Variants in MIPEP observed in about 807,000 individuals in gnomAD.
The protein encoded by MIPEP is mitochondrial intermediate peptidase.
In MIPEP, 79 loss-of-function variants were observed where a neutral mutation model predicts 90.3. That is an observed-to-expected ratio of 0.87 (90% confidence interval 0.73 to 1.05). MIPEP has a LOEUF of 1.05. MIPEP is among the 50% of genes least tolerant of loss of function. The probability of loss-of-function intolerance (pLI) is 0.00; values close to 1 mark genes in which losing one functional copy is unlikely to be tolerated. For synonymous variants in MIPEP, 334 were observed against 315.8 expected (o/e 1.06, Z -0.61); for missense variants, 940 against 905.6 (o/e 1.04, Z -0.49).
chr13:23,860,929 A>C (rs1870274670), intron 9 of MIPEP, among the ~76,000 whole-genome samples: 1 of 152,166 alleles, frequency 6.6e-6, no homozygotes, highest in East Asian at 1.9e-4. Context: ...AGGACCTAAC[A>C]AATGATTATG....
chr13:23,785,060 C>T (rs1382855377), intron 16 of MIPEP, among the ~76,000 whole-genome samples: 1 of 152,200 alleles, frequency 6.6e-6, no homozygotes, highest in Non-Finnish European at 1.5e-5. Context: ...ACTAGTTCAA[C>T]CATTGTGGAA....
chr13:23,823,820 C>T (rs1380108579), intron 14 of MIPEP, among the ~76,000 whole-genome samples: 1 of 152,100 alleles, frequency 6.6e-6, no homozygotes, highest in African/African-American at 2.4e-5. Flanking sequence ...AGTGTGAGAC[C>T]CTGTCCCTCT....
chr13:23,755,863 T>C (rs1952486072), intron 18 of MIPEP, among the ~76,000 whole-genome samples: 2 of 152,198 alleles, frequency 1.3e-5, no homozygotes, highest in African/African-American at 4.8e-5. Context: ...CTTGAAAATA[T>C]GTAGTTTTAA....
chr13:23,879,223 C>T (rs981676796), intron 4 of MIPEP, 45 bp downstream of exon 4: 4 of 1,199,420 alleles, frequency 3.3e-6, no homozygotes, highest in Non-Finnish European at 4.9e-6. Flanking sequence ...CCAACCTCAC[C>T]TCTAGAGTCA....
At chr13:23,754,992 CCTTGTTACAT>C (rs749350666) in intron 18 of MIPEP, among the ~76,000 whole-genome samples, 5 of 152,184 alleles carry the variant, frequency 3.3e-5, no homozygotes, top group Non-Finnish European at 7.3e-5. Context: ...CCACATACTG[CCTTGTTACAT>C]AAGCAGAGGG....
At chr13:23,865,968 GC>G (rs1870514771) in intron 7 of MIPEP, among the ~76,000 whole-genome samples, 3 of 151,980 alleles carry the variant, frequency 2.0e-5, no homozygotes, top group Non-Finnish European at 2.9e-5. Flanking sequence ...ACCACATCTG[GC>G]CTGCCTCAAT....
At chr13:23,876,888 T>G (rs185274790) in intron 4 of MIPEP, among the ~76,000 whole-genome samples, 9 of 152,316 alleles carry the variant, frequency 5.9e-5, no homozygotes, top group Admixed American at 2.6e-4. Flanking sequence ...TTACCCCAAA[T>G]GGTTATCCAT....
At position 23,745,376 on chromosome 13, in the gene MIPEP, T is replaced by C. The variant is rs181360318; in HGVS notation, c.2044+11169A>G. On this transcript the variant is annotated intron_variant, in intron 18 of 18. Coordinates refer to ENST00000382172, the MANE Select transcript of MIPEP (RefSeq NM_005932.4). The stretch of plus-strand genomic sequence containing the variant: ...ACACCAGAAGATGTCTTGTAAATGC[T>C]CTTTCAGGAAACAGTCCAGTTAAAC... 3.6e-3 allele frequency among the ~76,000 whole-genome samples: 546 copies of C among 152,328 alleles called. 2 individuals are homozygous for C. The highest frequency in any genetic ancestry group is 0.013 in the African/African-American group (531 of 41,582).
At position 23,889,251 on chromosome 13, in the gene MIPEP, G is replaced by T; in HGVS notation, c.70C>A (p.Arg24=). ...CGGATCCCGGCTTCGAGGCTTCCCC[G>T]GCCCGCCCGGCGGGGCGGCAGAGCT... The part of the protein sequence containing the change: ...AAALPPRRAG[R]GSLEAGIRAR... The change falls in exon 1 of 19, where the codon CGG becomes AGG. Residue 24 remains arginine, a synonymous_variant. Coordinates refer to ENST00000382172, the MANE Select transcript of MIPEP (RefSeq NM_005932.4). The T allele has an allele frequency of 1.4e-6, 2 of 1,390,018 alleles. No homozygotes were observed. The highest frequency in any genetic ancestry group is 1.9e-6 in the Non-Finnish European group (2 of 1,071,914). The allele number at this position is 1,390,018 out of a possible 1,614,324, so 86.1% of individuals were successfully genotyped here. A position where few individuals can be genotyped will look rare whatever the true frequency, so the allele number is the denominator to read the frequency against.
At chr13:23,829,745 G>C (rs1387956535) in intron 14 of MIPEP, among the ~76,000 whole-genome samples, 1 of 151,958 alleles carries the variant, frequency 6.6e-6, no homozygotes, top group Non-Finnish European at 1.5e-5. Context: ...AGTTTGAGGG[G>C]CCAGCCTGGG....
At chr13:23,872,631 A>C (rs967319414) in intron 5 of MIPEP, among the ~76,000 whole-genome samples, 2 of 152,210 alleles carry the variant, frequency 1.3e-5, no homozygotes, top group African/African-American at 4.8e-5. Flanking sequence ...CAAACATGGA[A>C]GTTACAAGGG....
At chr13:23,803,232 G>A (rs1045033873) in intron 16 of MIPEP, among the ~76,000 whole-genome samples, 25 of 151,636 alleles carry the variant, frequency 1.6e-4, no homozygotes, top group African/African-American at 4.6e-4. Flanking sequence ...GAGTGGTGGC[G>A]CACACCTGTA....
intron 14 of MIPEP, among the ~76,000 whole-genome samples, chr13:23,813,886 A>T (rs1330693955): frequency 1.3e-5 from 2 of 152,258 alleles, no homozygotes; most frequent in African/African-American, 4.8e-5. Context: ...AGAGCAGCAC[A>T]GATGTTTAAT....
At chr13:23,751,387 C>T (rs1278112231) in intron 18 of MIPEP, among the ~76,000 whole-genome samples, 4 of 152,208 alleles carry the variant, frequency 2.6e-5, no homozygotes, top group African/African-American at 9.6e-5. Flanking sequence ...GTGAGTCAGT[C>T]TGATGCGAAA....
intron 17 of MIPEP, among the ~76,000 whole-genome samples, chr13:23,758,189 C>A (rs1824004956): frequency 6.6e-6 from 1 of 152,150 alleles, no homozygotes; most frequent in African/African-American, 2.4e-5. Context: ...TGCTCTGAGG[C>A]CCTTCTCAGC....
At chr13:23,846,184 T>C (rs896292729) in intron 10 of MIPEP, among the ~76,000 whole-genome samples, 15 of 152,204 alleles carry the variant, frequency 9.9e-5, no homozygotes, top group Admixed American at 8.5e-4. Context: ...GATATAGATA[T>C]ATTGATGCTC....
chr13:23,857,886 C>T (rs1870115050), intron 10 of MIPEP, among the ~76,000 whole-genome samples: 1 of 152,068 alleles, frequency 6.6e-6, no homozygotes, highest in African/African-American at 2.4e-5. Flanking sequence ...CTATGCTTTA[C>T]TTGATGCTTC....
intron 16 of MIPEP, among the ~76,000 whole-genome samples, chr13:23,767,598 C>G (rs540298115): frequency 6.6e-6 from 1 of 151,880 alleles, no homozygotes; most frequent in Non-Finnish European, 1.5e-5. Context: ...ACTACAGGCA[C>G]GTGCCACCAT....
At chr13:23,748,281 G>A (rs1368587555) in intron 18 of MIPEP, among the ~76,000 whole-genome samples, 1 of 152,090 alleles carries the variant, frequency 6.6e-6, no homozygotes, top group Non-Finnish European at 1.5e-5. Context: ...TTCACTCATT[G>A]CACAAATATT....
Sources: allele counts gnomAD v4.1 joint callset (sites outside exome capture counted in the v4.1 genomes callset), GRCh38; gene constraint gnomAD v4.1.1; transcripts MANE v1.5; gene names NCBI Gene and HGNC (gene_info 2026-07-23, HGNC 2026-07-21).